The following ANKS1B variants were observed in gnomAD, a reference collection of about 807,000 sequenced individuals.
ANKS1B encodes ankyrin repeat and sterile alpha motif domain-containing protein 1B.
ANKS1B carries 36 observed loss-of-function variants against 148.3 expected under a neutral mutation model. The observed-to-expected ratio is 0.24, with a 90% CI of 0.19 to 0.32. The LOEUF (loss-of-function observed/expected upper bound fraction) is 0.32, where lower values mean the gene tolerates loss of function less well. ANKS1B is among the 10% of genes least tolerant of loss of function. The probability of loss-of-function intolerance (pLI) is 1.00; values close to 1 mark genes in which losing one functional copy is unlikely to be tolerated. For missense variants in ANKS1B, 1,157 were observed against 1,542.6 expected, an observed-to-expected ratio of 0.75 and a Z score of 4.19; for synonymous variants, 542 against 560.8, an observed-to-expected ratio of 0.97 and a Z score of 0.47.
At chr12:99,172,432 A>G (rs946000736) in intron 14 of ANKS1B, among the ~76,000 whole-genome samples, 8 of 152,192 alleles carry the variant, frequency 5.3e-5, no homozygotes, top group African/African-American at 1.9e-4. Flanking sequence ...TCTCTTAAAG[A>G]GCAAATAGAC....
At chr12:98,868,029 C>T (rs184214928) in intron 17 of ANKS1B, among the ~76,000 whole-genome samples, 7 of 152,242 alleles carry the variant, frequency 4.6e-5, no homozygotes, top group East Asian at 1.9e-4. Flanking sequence ...AGCAGAGGAG[C>T]GATCTAAACA....
intron 17 of ANKS1B, among the ~76,000 whole-genome samples, chr12:99,026,098 G>C (rs903288992): frequency 6.6e-6 from 1 of 152,190 alleles, no homozygotes; most frequent in African/African-American, 2.4e-5. Flanking sequence ...TAGTTTAGTT[G>C]AAGGTATGTA....
At chr12:98,891,678 A>G (rs891074098) in intron 17 of ANKS1B, among the ~76,000 whole-genome samples, 7 of 152,190 alleles carry the variant, frequency 4.6e-5, no homozygotes, top group Non-Finnish European at 1.0e-4. Flanking sequence ...CCAAATACAT[A>G]TACAAGAGTA....
At chr12:99,661,918 T>C (rs1486889269) in intron 8 of ANKS1B, among the ~76,000 whole-genome samples, 1 of 152,126 alleles carries the variant, frequency 6.6e-6, no homozygotes, top group South Asian at 2.1e-4. Flanking sequence ...TCCTGCTGAT[T>C]GAATGCTAAT....
intron 9 of ANKS1B, among the ~76,000 whole-genome samples, chr12:99,568,463 G>A (rs1185385537): frequency 6.6e-6 from 1 of 152,066 alleles, no homozygotes; most frequent in East Asian, 1.9e-4. Flanking sequence ...AAACTTTCAG[G>A]CATTAAGATG....
At chr12:99,559,253 T>C (rs2097308168) in intron 9 of ANKS1B, among the ~76,000 whole-genome samples, 1 of 152,162 alleles carries the variant, frequency 6.6e-6, no homozygotes, top group South Asian at 2.1e-4. Context: ...GAAATTGCCA[T>C]TTTAAAAATC....
chr12:98,922,601 C>T (rs887606814), intron 17 of ANKS1B, among the ~76,000 whole-genome samples: 2 of 152,182 alleles, frequency 1.3e-5, no homozygotes, highest in African/African-American at 4.8e-5. Flanking sequence ...TGGGTTCAAG[C>T]GATTCTCCTG....
intron 14 of ANKS1B, among the ~76,000 whole-genome samples, chr12:99,166,102 TAGAA>T (rs996743384): frequency 4.0e-5 from 6 of 151,460 alleles, no homozygotes; most frequent in Non-Finnish European, 8.9e-5. Context: ...CTCAGCAAAA[TAGAA>T]AGAAATTTCT....
At chr12:99,423,076 G>A (rs192686653) in intron 11 of ANKS1B, among the ~76,000 whole-genome samples, 2 of 152,260 alleles carry the variant, frequency 1.3e-5, no homozygotes, top group East Asian at 1.9e-4. Flanking sequence ...GAGTAGACTA[G>A]GAGGAAAATC....
chr12:99,157,866 G>A (rs1277471380), intron 14 of ANKS1B, among the ~76,000 whole-genome samples: 2 of 152,114 alleles, frequency 1.3e-5, no homozygotes, highest in Non-Finnish European at 2.9e-5. Context: ...ATTATTTCAA[G>A]GTTCAGACTG....
intron 15 of ANKS1B, among the ~76,000 whole-genome samples, chr12:99,091,710 G>A (rs2054055023): frequency 2.0e-5 from 3 of 152,148 alleles, no homozygotes; most frequent in South Asian, 4.1e-4. Context: ...AGCAGTTGGT[G>A]TTCATTAGTG....
intron 9 of ANKS1B, among the ~76,000 whole-genome samples, chr12:99,532,650 A>G (rs1158459672): frequency 6.6e-6 from 1 of 152,012 alleles, no homozygotes; most frequent in Admixed American, 6.5e-5. Context: ...GTGAGCCACC[A>G]CGCCTGGTCA....
At chr12:99,377,753 GT>G (rs935709235) in intron 12 of ANKS1B, among the ~76,000 whole-genome samples, 7 of 152,096 alleles carry the variant, frequency 4.6e-5, no homozygotes, top group East Asian at 1.9e-4. Flanking sequence ...TCACGTTAGT[GT>G]TTTTTTAGTT....
chr12:99,259,618 C>T (rs908842171), intron 12 of ANKS1B, among the ~76,000 whole-genome samples: 2 of 152,226 alleles, frequency 1.3e-5, no homozygotes, highest in African/African-American at 2.4e-5. Flanking sequence ...TCCCAAGGCT[C>T]CCTCATTTCC....
chr12:99,612,222 C>G (rs1279110331), intron 9 of ANKS1B, among the ~76,000 whole-genome samples: 1 of 152,036 alleles, frequency 6.6e-6, no homozygotes, highest in Non-Finnish European at 1.5e-5. Context: ...GATTAATGGT[C>G]ATCTGAAAGA....
At chr12:99,949,504 G>A (rs2095158988) in intron 1 of ANKS1B, among the ~76,000 whole-genome samples, 1 of 152,140 alleles carries the variant, frequency 6.6e-6, no homozygotes, top group African/African-American at 2.4e-5. Flanking sequence ...ATAAGTTACT[G>A]TAATAGTTCA....
At chr12:99,581,897 CAAAAAAAAAAAA>C (rs369048602) in intron 9 of ANKS1B, among the ~76,000 whole-genome samples, 6 of 60,766 alleles carry the variant, frequency 9.9e-5, no homozygotes, top group African/African-American at 3.5e-4. Flanking sequence ...GACTCCGTCT[CAAAAAAAAAAAA>C]AAAAAAGAAA....
chr12:99,369,759 T>C (rs1255622674), intron 12 of ANKS1B, among the ~76,000 whole-genome samples: 1 of 137,560 alleles, frequency 7.3e-6, no homozygotes, highest in Non-Finnish European at 1.5e-5. Flanking sequence ...GATAGATAGA[T>C]AGATAGATAG....
At chr12:99,241,836 C>G (rs566149140) in intron 14 of ANKS1B, among the ~76,000 whole-genome samples, 1 of 152,130 alleles carries the variant, frequency 6.6e-6, no homozygotes, top group Non-Finnish European at 1.5e-5. Context: ...AGGCCTTTGA[C>G]AAAATTCAAC....
Sources: gnomAD v4.1 joint callset for allele counts (sites outside exome capture counted in the v4.1 genomes callset) on GRCh38, gnomAD v4.1.1 for gene constraint, MANE v1.5 for transcripts, NCBI Gene and HGNC (gene_info 2026-07-23, HGNC 2026-07-21) for gene names.